The following RORA variants were observed in gnomAD, a reference collection of about 807,000 sequenced individuals.
RORA encodes nuclear receptor ROR-alpha.
In RORA, 7 loss-of-function variants were observed where a neutral mutation model predicts 69.5. That is an observed-to-expected ratio of 0.10 (90% CI 0.06 to 0.19). The LOEUF is 0.19. Among genes scored for constraint, RORA ranks in the 10% least tolerant of loss-of-function variants. RORA has a pLI of 1.00. For synonymous variants in RORA, 261 were observed against 240.8 expected (o/e 1.08, Z -0.78); for missense variants, 457 against 663.0 (o/e 0.69, Z 3.41).
chr15:60,626,325 C>T (rs925490554), intron 2 of RORA, among the ~76,000 whole-genome samples: 16 of 152,142 alleles, frequency 1.1e-4, no homozygotes, highest in African/African-American at 3.9e-4. Context: ...CTGTGTCAAA[C>T]ATATTTCATA....
intron 1 of RORA, among the ~76,000 whole-genome samples, chr15:60,966,942 T>A (rs1342122257): frequency 2.0e-5 from 3 of 152,172 alleles, no homozygotes; most frequent in African/African-American, 7.2e-5. Flanking sequence ...CATGAATCGG[T>A]GTCATAGCTT....
At chr15:60,822,112 G>C (rs2072900604) in intron 1 of RORA, among the ~76,000 whole-genome samples, 1 of 152,214 alleles carries the variant, frequency 6.6e-6, no homozygotes, top group African/African-American at 2.4e-5. Context: ...ACAAGGTTTG[G>C]TGGTAAATGG....
chr15:61,130,457 G>A (rs1457645120), intron 1 of RORA, among the ~76,000 whole-genome samples: 1 of 151,116 alleles, frequency 6.6e-6, no homozygotes, highest in African/African-American at 2.4e-5. Context: ...AGAACCAAGT[G>A]AATGCTTTGT....
intron 2 of RORA, among the ~76,000 whole-genome samples, chr15:60,653,405 T>C (rs1424442455): frequency 2.0e-5 from 3 of 151,834 alleles, no homozygotes; most frequent in African/African-American, 4.8e-5. Flanking sequence ...AAAGTGAATA[T>C]CAAGGGAAAC....
chr15:61,101,813 G>A (rs2078884313), intron 1 of RORA, among the ~76,000 whole-genome samples: 1 of 152,076 alleles, frequency 6.6e-6, no homozygotes. Flanking sequence ...GGGCCACTGG[G>A]AGTCAGGGTC....
At chr15:60,910,875 G>GTT (rs35162656) in intron 1 of RORA, among the ~76,000 whole-genome samples, 69 of 139,814 alleles carry the variant, frequency 4.9e-4, no homozygotes, top group East Asian at 2.4e-3. Context: ...GGCTCTGGCT[G>GTT]TTTTTTTTTT....
rs2079164862 is a variant in RORA at position 61,128,755 on chromosome 15, A to G, written c.166+100298T>C. Among the ~76,000 whole-genome samples, 1 of 152,214 alleles carries G rather than the reference A, an allele frequency of 6.6e-6. No homozygotes were observed. The highest frequency in any genetic ancestry group is 2.1e-4 in the South Asian group (1 of 4,828). The stretch of plus-strand genomic sequence containing the variant: ...GGGGAGTAAAAGCAGATCACAAAGG[A>G]TCTAGTGTCTCAGAACACAACCAAA... On this transcript the variant is annotated intron_variant, in intron 1 of 10. Coordinates refer to ENST00000335670, the MANE Select transcript of RORA (RefSeq NM_134261.3). The surrounding 1 kb of genome is among the most constrained non-coding windows in gnomAD (Gnocchi z 4.5).
chr15:60,893,996 C>G (rs922163252), intron 1 of RORA, among the ~76,000 whole-genome samples: 1 of 152,164 alleles, frequency 6.6e-6, no homozygotes, highest in Non-Finnish European at 1.5e-5. Context: ...CCACCTCGGC[C>G]GAGCAGCCAT....
chr15:60,561,296 T>C (rs2067552737), intron 2 of RORA, among the ~76,000 whole-genome samples: 1 of 151,888 alleles, frequency 6.6e-6, no homozygotes, highest in Non-Finnish European at 1.5e-5. Flanking sequence ...TTAGCCAGGA[T>C]GGTCTCGATC....
chr15:60,497,331 A>C lies in RORA; in HGVS notation c.*124T>G. On this transcript the variant is annotated 3_prime_UTR_variant, in exon 11 of 11. Transcript: ENST00000335670. ...CCTCCTTTGCCTGACCCCGATCACCAAAAGATGTGCAGTGTGTGGCGCTCC... is the reference window on the plus strand; with the variant it reads ...CCTCCTTTGCCTGACCCCGATCACCCAAAGATGTGCAGTGTGTGGCGCTCC... 1 of 722,942 alleles carries C rather than the reference A, an allele frequency of 1.4e-6. No individual in the cohort carries two copies. Among genetic ancestry groups the C allele is most frequent in the Non-Finnish European group, 2.2e-6 (1 of 445,728 alleles). 44.8% of individuals were successfully genotyped at this position (722,942 alleles called of 1,614,324 possible).
At chr15:60,724,871 G>A (rs570789749) in intron 1 of RORA, among the ~76,000 whole-genome samples, 263 of 152,304 alleles carry the variant, frequency 1.7e-3, no homozygotes, top group Non-Finnish European at 2.7e-3. Flanking sequence ...CCCTCCCAGA[G>A]AGGTGCTCCC....
At chr15:61,041,382 T>C (rs938041965) in intron 1 of RORA, among the ~76,000 whole-genome samples, 7 of 150,440 alleles carry the variant, frequency 4.7e-5, no homozygotes, top group African/African-American at 1.7e-4. Flanking sequence ...TCCATCCTAT[T>C]AGAAAAAAGG....
chr15:60,853,269 CA>C (rs1351230582), intron 1 of RORA, among the ~76,000 whole-genome samples: 4 of 152,186 alleles, frequency 2.6e-5, no homozygotes, highest in Admixed American at 6.5e-5. Flanking sequence ...CCGCAAAGGT[CA>C]GGGGGGCTGT....
At chr15:61,152,079 C>T (rs1486576353) in intron 1 of RORA, among the ~76,000 whole-genome samples, 5 of 152,144 alleles carry the variant, frequency 3.3e-5, no homozygotes, top group Non-Finnish European at 5.9e-5. Flanking sequence ...TATATGCAAA[C>T]TAAAAACAAA....
intron 1 of RORA, among the ~76,000 whole-genome samples, chr15:61,149,910 G>A (rs1344159565): frequency 6.6e-6 from 1 of 152,156 alleles, no homozygotes; most frequent in Non-Finnish European, 1.5e-5. Context: ...ATATCGGACT[G>A]GGAGTCAAGA....
At chr15:61,084,720 C>A (rs112928311) in intron 1 of RORA, among the ~76,000 whole-genome samples, 1,866 of 152,242 alleles carry the variant, frequency 0.012, 20 homozygotes, top group Middle Eastern at 0.017. Flanking sequence ...AGCTGCTCCG[C>A]TCTAGTCACT....
At chr15:61,137,018 A>AG (rs1208447359) in intron 1 of RORA, among the ~76,000 whole-genome samples, 2 of 145,570 alleles carry the variant, frequency 1.4e-5, no homozygotes, top group Non-Finnish European at 3.0e-5. Context: ...AAAATAAATA[A>AG]AAAAGAAAGA....
chr15:61,159,209 C>T (rs754708748), intron 1 of RORA, among the ~76,000 whole-genome samples: 9 of 152,084 alleles, frequency 5.9e-5, no homozygotes, highest in Non-Finnish European at 8.8e-5. Context: ...TATCAAGAGT[C>T]CCATTTATCA....
chr15:60,653,262 A>T (rs1708107001), intron 2 of RORA, among the ~76,000 whole-genome samples: 1 of 151,946 alleles, frequency 6.6e-6, no homozygotes, highest in Non-Finnish European at 1.5e-5. Context: ...CCACAGATAC[A>T]AGGTCGTCCT....
Sources: gnomAD v4.1 joint callset for allele counts (sites outside exome capture counted in the v4.1 genomes callset) on GRCh38, gnomAD v4.1.1 for gene constraint, Gnocchi (gnomAD v3.1) non-coding constraint, MANE v1.5 for transcripts, NCBI Gene and HGNC (gene_info 2026-07-23, HGNC 2026-07-21) for gene names.